Variants in DOCK11 observed in about 807,000 individuals in gnomAD.
DOCK11 encodes dedicator of cytokinesis protein 11.
A neutral mutation model predicts 169.1 loss-of-function variants in DOCK11; 70 were observed. The observed-to-expected ratio is 0.41, with a 90% confidence interval of 0.34 to 0.51. The LOEUF is 0.51. Ranked by LOEUF, DOCK11 falls within the 20% of genes least tolerant of loss-of-function variation. The pLI is 0.10. For synonymous variants in DOCK11, 529 were observed against 541.3 expected, an observed-to-expected ratio of 0.98 and a Z score of 0.32; for missense variants, 1,166 against 1,538.8, an observed-to-expected ratio of 0.76 and a Z score of 4.05.
chrX:118,559,431 C>A (rs2012830679), intron 6 of DOCK11, among the ~76,000 whole-genome samples: 1 of 111,372 alleles, frequency 9.0e-6, no homozygotes, highest in South Asian at 3.8e-4. Flanking sequence ...TTACTTTTGG[C>A]CTGAAAGATG....
intron 1 of DOCK11, among the ~76,000 whole-genome samples, chrX:118,535,471 G>A (rs2011720794): frequency 8.9e-6 from 1 of 111,972 alleles, no homozygotes; most frequent in South Asian, 3.7e-4. Context: ...TTTGCTGACC[G>A]AACCGGTGTT....
At chrX:118,568,373 TATATATATATATA>T (rs1603072582) in intron 10 of DOCK11, among the ~76,000 whole-genome samples, 5 of 1,155 alleles carry the variant, frequency 4.3e-3, no homozygotes, top group Non-Finnish European at 6.2e-3. Context: ...GGCTGAATTA[TATATATATATATA>T]TATATATATA....
intron 35 of DOCK11, among the ~76,000 whole-genome samples, chrX:118,632,116 G>A (rs987465967): frequency 3.6e-5 from 4 of 110,691 alleles, no homozygotes; most frequent in African/African-American, 1.3e-4. Context: ...CACCACGCCC[G>A]GCTAATTTGT....
Position 118,580,183 on chromosome X carries a change from T to G in DOCK11, c.1595+4T>G. 8.3e-7 allele frequency: 1 copy of G among 1,201,072 alleles called. No individual in the cohort carries two copies. On this transcript the variant is annotated splice_donor_region_variant and intron_variant, in intron 14 of 52. Coordinates refer to ENST00000276202, the MANE Select transcript of DOCK11 (RefSeq NM_144658.4). ...TGCCCTTCGCTTGGGCTGCCAGGTTTGTACAAATATAATCCTGACCCGCTC... is the reference window on the plus strand; with the variant it reads ...TGCCCTTCGCTTGGGCTGCCAGGTTGGTACAAATATAATCCTGACCCGCTC...
intron 50 of DOCK11, 77 bp from the exon 51 acceptor site, chrX:118,681,617 A>G (rs2147601354): frequency 2.6e-6 from 2 of 768,027 alleles, no homozygotes; most frequent in East Asian, 7.4e-5. Flanking sequence ...GATTTTTAAT[A>G]AAAAAGAGAA....
At chrX:118,602,842 A>G (rs1477565985) in intron 23 of DOCK11, among the ~76,000 whole-genome samples, 2 of 112,134 alleles carry the variant, frequency 1.8e-5, no homozygotes, top group African/African-American at 6.5e-5. Context: ...CGCCCGGCCT[A>G]CTTTCTTATT....
intron 6 of DOCK11, among the ~76,000 whole-genome samples, chrX:118,554,522 C>T (rs1192087920): frequency 9.0e-6 from 1 of 111,097 alleles, no homozygotes; most frequent in African/African-American, 3.3e-5. Flanking sequence ...TGCACTCCAG[C>T]CTGGGCAACA....
chrX:118,668,596 A>C (rs943545157), intron 45 of DOCK11, among the ~76,000 whole-genome samples: 3 of 111,807 alleles, frequency 2.7e-5, no homozygotes, highest in African/African-American at 9.8e-5. Flanking sequence ...ACACTAAAAT[A>C]ATTACTGGAA....
intron 6 of DOCK11, among the ~76,000 whole-genome samples, chrX:118,552,921 G>A (rs766055223): frequency 1.8e-5 from 2 of 110,633 alleles, no homozygotes; most frequent in African/African-American, 6.6e-5. Flanking sequence ...AAAAACCAAC[G>A]CTCTGTTGGT....
At chrX:118,632,825 C>A (rs2015277663) in intron 35 of DOCK11, 1 of 109,519 alleles carries the variant, frequency 9.1e-6, no homozygotes, top group Non-Finnish European at 1.9e-5. Flanking sequence ...CATTTTCAGG[C>A]CTTACTGCTT....
At chrX:118,546,218 A>C (rs2012275847) in intron 6 of DOCK11, 102 bp downstream of exon 6, 27 of 378,966 alleles carry the variant, frequency 7.1e-5, no homozygotes, top group Admixed American at 2.0e-4. Flanking sequence ...AGCAAAAAAA[A>C]AAAAAAAAAA....
chrX:118,680,590 A>AT lies in DOCK11; in HGVS notation c.5569_5570insT (p.Asn1857IlefsTer3). 8.3e-7 allele frequency: 1 copy of AT among 1,209,572 alleles called. No homozygotes were observed. Among genetic ancestry groups the AT allele is most frequent in the African/African-American group, 1.7e-5 (1 of 57,383 alleles). The stretch of plus-strand genomic sequence containing the variant: ...AGAAAGGAAGACCGAGTTTGAAAGA[A>AT]ATCATAATATCAGCAGATTTGTTTT... On this transcript the variant is annotated frameshift_variant, in exon 49 of 53. Transcript: ENST00000276202. LOFTEE classifies it high-confidence loss of function.
At chrX:118,679,405 G>A (rs758496356) in intron 48 of DOCK11, among the ~76,000 whole-genome samples, 2 of 111,889 alleles carry the variant, frequency 1.8e-5, no homozygotes, top group East Asian at 5.6e-4. Flanking sequence ...AATAAGTCAT[G>A]TTTATCCATA....
intron 28 of DOCK11, among the ~76,000 whole-genome samples, chrX:118,614,235 T>C (rs1053293954): frequency 9.0e-6 from 1 of 111,611 alleles, no homozygotes; most frequent in African/African-American, 3.3e-5. Context: ...GTCTGAATTA[T>C]TAATATTTAC....
intron 1 of DOCK11, among the ~76,000 whole-genome samples, chrX:118,519,622 C>G (rs905741277): frequency 8.9e-5 from 10 of 111,806 alleles, no homozygotes; most frequent in Admixed American, 7.6e-4. Context: ...TGTGAACCAC[C>G]AAAATCATGG....
intron 1 of DOCK11, among the ~76,000 whole-genome samples, chrX:118,496,377 G>A (rs1478305415): frequency 1.8e-5 from 2 of 112,190 alleles, no homozygotes; most frequent in African/African-American, 6.5e-5. Flanking sequence ...GGGGCCGGGG[G>A]TGTGAGCTAA....
intron 1 of DOCK11, among the ~76,000 whole-genome samples, chrX:118,514,879 C>T (rs866100202): frequency 3.7e-4 from 41 of 112,217 alleles, no homozygotes; most frequent in African/African-American, 1.1e-3. Context: ...TTACTAGTTG[C>T]GTTGGCTTCC....
Position 118,662,725 on chromosome X carries a change from C to T in DOCK11, c.5009C>T (p.Thr1670Ile), listed in dbSNP as rs139682622. 2 of 1,199,996 alleles carry T rather than the reference C, an allele frequency of 1.7e-6. No homozygotes were observed. Among genetic ancestry groups the T allele is most frequent in the Non-Finnish European group, 2.3e-6 (2 of 886,721 alleles). ...PNGCSAFKKI[T>I]PNIDEEGAMK... ...GGATGTTCAGCGTTCAAGAAAATTA[C>T]TCCCAATATAGATGAAGAAGGAGCA... The change falls in exon 45 of 53, where the codon ACT (threonine) becomes ATT (isoleucine). Residue 1670 changes from threonine (T) to isoleucine (I), a missense_variant. Physicochemically the swap from Thr to Ile is moderately conservative, Grantham distance 89. Transcript: ENST00000276202.
rs1157804079 is a variant in DOCK11 at position 118,544,645 on chromosome X, C to CTTTTTTTTTTTTT, written c.393-658_393-646dup. 3.1e-3 allele frequency among the ~76,000 whole-genome samples: 72 copies of CTTTTTTTTTTTTT among 23,365 alleles called. 19 individuals are homozygous for CTTTTTTTTTTTTT. Among genetic ancestry groups the CTTTTTTTTTTTTT allele is most frequent in the African/African-American group, 5.1e-3 (28 of 5,543 alleles). 20.3% of individuals were successfully genotyped at this position (23,365 alleles called of 115,157 possible). ...TGCAAGAGCCAGAATTACACTGTTG[C>CTTTTTTTTTTTTT]TTTTTTTTTTTTTTTTTTTTTTTTT... On this transcript the variant is annotated intron_variant, in intron 4 of 52. Coordinates refer to ENST00000276202, the MANE Select transcript of DOCK11 (RefSeq NM_144658.4).
Sources: gnomAD v4.1 joint callset for allele counts (sites outside exome capture counted in the v4.1 genomes callset) on GRCh38, gnomAD v4.1.1 for gene constraint, MANE v1.5 for transcripts, NCBI Gene and HGNC (gene_info 2026-07-23, HGNC 2026-07-21) for gene names.